BICC1: variants seen among roughly 807,000 people sequenced by gnomAD.
The protein encoded by BICC1 is BicC family RNA binding protein 1.
A neutral mutation model predicts 111.0 loss-of-function variants in BICC1; 43 were observed. That is an observed-to-expected ratio of 0.39 (90% confidence interval 0.30 to 0.50). The LOEUF is 0.50. Among genes scored for constraint, BICC1 ranks in the 20% least tolerant of loss-of-function variants. BICC1 has a pLI of 0.88. For missense variants in BICC1, 1,091 were observed against 1,203.2 expected (o/e 0.91, Z 1.38); for synonymous variants, 467 against 434.4 (o/e 1.07, Z -0.93).
intron 1 of BICC1, among the ~76,000 whole-genome samples, chr10:58,527,516 G>A (rs901507115): frequency 6.6e-6 from 1 of 152,156 alleles, no homozygotes; most frequent in Non-Finnish European, 1.5e-5. Flanking sequence ...GTCCTGAATA[G>A]TATTGTCTAG....
At chr10:58,798,586 A>T (rs749668602) in intron 11 of BICC1, 26 bp downstream of exon 11, 1 of 1,536,754 alleles carries the variant, frequency 6.5e-7, no homozygotes, top group Non-Finnish European at 8.7e-7. Context: ...GTATATTCCA[A>T]GTTGTGTATT....
At chr10:58,694,951 C>T (rs1840026468) in intron 2 of BICC1, among the ~76,000 whole-genome samples, 1 of 152,198 alleles carries the variant, frequency 6.6e-6, no homozygotes, top group Non-Finnish European at 1.5e-5. Flanking sequence ...AGAGCCTCCT[C>T]CACAAGGAGT....
At chr10:58,655,183 T>C (rs1289619012) in intron 2 of BICC1, among the ~76,000 whole-genome samples, 5 of 144,226 alleles carry the variant, frequency 3.5e-5, no homozygotes, top group Admixed American at 2.1e-4. Context: ...TTTGGTTCCA[T>C]ATGAACTTTA....
intron 1 of BICC1, among the ~76,000 whole-genome samples, chr10:58,610,871 G>A (rs1364892237): frequency 6.6e-6 from 1 of 152,120 alleles, no homozygotes; most frequent in East Asian, 1.9e-4. Context: ...ATTGTTTACT[G>A]TTTTCAGCTG....
At chr10:58,732,189 G>T (rs1304316849) in intron 3 of BICC1, among the ~76,000 whole-genome samples, 1 of 150,784 alleles carries the variant, frequency 6.6e-6, no homozygotes, top group Non-Finnish European at 1.5e-5. Context: ...CCATTGTAGG[G>T]TTATTAATTG....
At chr10:58,784,384 A>C (rs1842954909) in intron 3 of BICC1, among the ~76,000 whole-genome samples, 1 of 152,204 alleles carries the variant, frequency 6.6e-6, no homozygotes, top group South Asian at 2.1e-4. Flanking sequence ...CTAATTCTGG[A>C]TAAATATTGA....
intron 3 of BICC1, among the ~76,000 whole-genome samples, chr10:58,723,598 GA>G (rs1277905137): frequency 6.6e-6 from 1 of 152,284 alleles, no homozygotes; most frequent in East Asian, 1.9e-4. Context: ...ATAAAAAGAT[GA>G]AATGTTCAGC....
chr10:58,546,566 C>T (rs1564481471), intron 1 of BICC1, among the ~76,000 whole-genome samples: 1 of 151,290 alleles, frequency 6.6e-6, no homozygotes, highest in Non-Finnish European at 1.5e-5. Flanking sequence ...GCAGGTGGTG[C>T]TTACAGGTCA....
At chr10:58,711,011 G>A (rs1429381858) in intron 3 of BICC1, among the ~76,000 whole-genome samples, 1 of 151,954 alleles carries the variant, frequency 6.6e-6, no homozygotes, top group African/African-American at 2.4e-5. Flanking sequence ...ACCATACCTG[G>A]CTAATGTTTA....
chr10:58,594,686 G>A (rs1296173716), intron 1 of BICC1, among the ~76,000 whole-genome samples: 2 of 152,148 alleles, frequency 1.3e-5, no homozygotes, highest in Non-Finnish European at 2.9e-5. Context: ...GAGAGATTTT[G>A]TCACCACTAG....
chr10:58,649,342 A>G (rs1303267577), intron 2 of BICC1, among the ~76,000 whole-genome samples: 2 of 152,192 alleles, frequency 1.3e-5, no homozygotes, highest in Non-Finnish European at 2.9e-5. Flanking sequence ...AGTGTAGCAT[A>G]AGTCAAGTAG....
intron 3 of BICC1, among the ~76,000 whole-genome samples, chr10:58,758,028 C>T (rs1321269882): frequency 1.3e-5 from 2 of 152,120 alleles, no homozygotes; most frequent in Non-Finnish European, 2.9e-5. Flanking sequence ...ACATAACATA[C>T]TGACACTTAA....
In BICC1 at chr10:58,787,211, T is replaced by C. The variant is rs548498113; in HGVS notation, c.546+130T>C. On this transcript the variant is annotated intron_variant, in intron 5 of 20. Transcript: ENST00000373886. ...CACATAGATGACATACAGTGTAGAT[T>C]GTACAACTTTCTGCAAGGAAATTGA... 6.6e-6 allele frequency: 5 copies of C among 760,996 alleles called. No individual in the cohort carries two copies. In the South Asian group the frequency reaches 1.6e-4, roughly 25 times the overall value. The allele number at this position is 760,996 out of a possible 1,614,324, so 47.1% of individuals were successfully genotyped here.
chr10:58,775,120 C>G (rs1842714911), intron 3 of BICC1, among the ~76,000 whole-genome samples: 1 of 152,078 alleles, frequency 6.6e-6, no homozygotes, highest in Non-Finnish European at 1.5e-5. Flanking sequence ...TGCCTGTAAT[C>G]CGAGCACTTT....
intron 2 of BICC1, among the ~76,000 whole-genome samples, chr10:58,701,329 TAGTG>T (rs1176941982): frequency 1.3e-5 from 2 of 152,156 alleles, no homozygotes; most frequent in African/African-American, 2.4e-5. Context: ...CACGTAAAAT[TAGTG>T]AGGAACAGAG....
At chr10:58,823,551 G>A in intron 20 of BICC1, 3 of 984,186 alleles carry the variant, frequency 3.0e-6, no homozygotes, top group Non-Finnish European at 3.6e-6. Context: ...TCTAGCTGAT[G>A]TGTCTTTTCA....
At chr10:58,565,823 C>T (rs542353438) in intron 1 of BICC1, among the ~76,000 whole-genome samples, 1 of 151,806 alleles carries the variant, frequency 6.6e-6, no homozygotes, top group African/African-American at 2.4e-5. Flanking sequence ...TTTAAAAATC[C>T]TTTATTTCCA....
In BICC1 at chr10:58,732,689, G is replaced by A. The variant is rs1355241350; in HGVS notation, c.307+30546G>A. Among the ~76,000 whole-genome samples, 4 of 151,932 alleles carry A rather than the reference G, an allele frequency of 2.6e-5. No individual in the cohort carries two copies. In the East Asian group the frequency reaches 7.8e-4, roughly 30 times the overall value. On this transcript the variant is annotated intron_variant, in intron 3 of 20. Transcript: ENST00000373886. ...CCAACTACTTGGGAGCCTGAGGTGG[G>A]AGGATTGCTTGAGCCCAGGAGGTCG... is the stretch of plus-strand genomic sequence containing the variant.
At chr10:58,531,939 C>G (rs902731993) in intron 1 of BICC1, among the ~76,000 whole-genome samples, 17 of 151,642 alleles carry the variant, frequency 1.1e-4, no homozygotes, top group African/African-American at 4.1e-4. Flanking sequence ...GGGGCGCCAT[C>G]AAGTGAATCA....
Sources: allele counts gnomAD v4.1 joint callset (sites outside exome capture counted in the v4.1 genomes callset), GRCh38; gene constraint gnomAD v4.1.1; transcripts MANE v1.5; gene names NCBI Gene and HGNC (gene_info 2026-07-23, HGNC 2026-07-21).